CLMN: variants seen among roughly 807,000 people sequenced by gnomAD.
CLMN encodes the protein calmin.
A neutral mutation model predicts 92.7 loss-of-function variants in CLMN; 57 were observed. That is an observed-to-expected ratio of 0.61 (90% CI 0.50 to 0.77). The LOEUF is 0.77. CLMN is among the 30% of genes least tolerant of loss of function. CLMN has a pLI of 0.00. For missense variants in CLMN, 1,158 were observed against 1,237.5 expected (o/e 0.94, Z 0.96); for synonymous variants, 466 against 470.6 (o/e 0.99, Z 0.13).
At chr14:95,254,116 TGGACCTTTGTCCCCATCTATGTAACGG>T (rs1898901031) in intron 1 of CLMN, among the ~76,000 whole-genome samples, 1 of 152,206 alleles carries the variant, frequency 6.6e-6, no homozygotes, top group Non-Finnish European at 1.5e-5. Context: ...GTCTCAGGTC[TGGACCTTTGTCCCCATCTATGTAACGG>T]GGGTGATGAT....
intron 1 of CLMN, among the ~76,000 whole-genome samples, chr14:95,230,680 G>A (rs966267707): frequency 2.0e-5 from 3 of 152,302 alleles, no homozygotes; most frequent in South Asian, 2.1e-4. Context: ...ACCCCCACCC[G>A]CATGTCTGAT....
In CLMN at chr14:95,191,584, GT is replaced by G. The variant is rs769574235; in HGVS notation, c.2988del (p.Gln996HisfsTer20). The G allele has an allele frequency of 6.2e-7, 1 of 1,613,150 alleles. No homozygotes were observed. The highest frequency in any genetic ancestry group is 1.1e-5 in the South Asian group (1 of 91,028). On this transcript the variant is annotated frameshift_variant, in exon 13 of 13. Transcript: ENST00000298912. LOFTEE classifies it high-confidence loss of function. This position sits in a 1 kb window ranked among gnomAD's most constrained non-coding sequence, Gnocchi z 5.3. ...ACGTATCAGAGCCTGCTAACATCCAGTTGTGGGAAGAGCAGCAAGCAGTACA... is the reference window on the plus strand; with the variant it reads ...ACGTATCAGAGCCTGCTAACATCCAGTGTGGGAAGAGCAGCAAGCAGTACA... ...LLVYCLLLFP[Q>X]LDVSRL
At chr14:95,275,218 C>G (rs929758614) in intron 1 of CLMN, among the ~76,000 whole-genome samples, 1 of 152,066 alleles carries the variant, frequency 6.6e-6, no homozygotes, top group Non-Finnish European at 1.5e-5. Context: ...TAGGCTGAGA[C>G]CTACAGGGCT....
chr14:95,243,788 G>T (rs938551086), intron 1 of CLMN, among the ~76,000 whole-genome samples: 1 of 147,292 alleles, frequency 6.8e-6, no homozygotes, highest in Non-Finnish European at 1.5e-5. Flanking sequence ...CGACAATCCA[G>T]TTTTCTGACT....
chr14:95,209,586 C>T, intron 7 of CLMN, 109 bp from the exon 8 acceptor site: 1 of 895,994 alleles, frequency 1.1e-6, no homozygotes, highest in East Asian at 2.5e-5. Context: ...AAGGTTTTTT[C>T]TCTTTATTTT....
At chr14:95,288,223 A>C (rs555239120) in intron 1 of CLMN, among the ~76,000 whole-genome samples, 1 of 152,330 alleles carries the variant, frequency 6.6e-6, no homozygotes, top group South Asian at 2.1e-4. Flanking sequence ...CTCTTAGAGG[A>C]CTTACGTGAA....
At chr14:95,279,696 T>C (rs1226285263) in intron 1 of CLMN, among the ~76,000 whole-genome samples, 1 of 152,194 alleles carries the variant, frequency 6.6e-6, no homozygotes, top group Non-Finnish European at 1.5e-5. Flanking sequence ...GGCAGGAGAA[T>C]GGCGTGAACC....
At chr14:95,239,763 A>G (rs189939856) in intron 1 of CLMN, among the ~76,000 whole-genome samples, 4 of 152,342 alleles carry the variant, frequency 2.6e-5, no homozygotes, top group African/African-American at 7.2e-5. Context: ...AACTAAGTGC[A>G]TTTGAACCCA....
chr14:95,274,590 C>T (rs779108291), intron 1 of CLMN, among the ~76,000 whole-genome samples: 10 of 152,300 alleles, frequency 6.6e-5, no homozygotes, highest in South Asian at 4.2e-4. Flanking sequence ...ACACCCAGCA[C>T]GCTGCCTCGT....
intron 2 of CLMN, among the ~76,000 whole-genome samples, chr14:95,226,752 C>A (rs1897723999): frequency 6.6e-6 from 1 of 152,066 alleles, no homozygotes; most frequent in East Asian, 1.9e-4. Flanking sequence ...ATTTTTTAAA[C>A]TTTTTGTAGA....
chr14:95,268,045 T>C (rs754504073), intron 1 of CLMN, among the ~76,000 whole-genome samples: 2 of 151,996 alleles, frequency 1.3e-5, no homozygotes, highest in Non-Finnish European at 2.9e-5. Context: ...TGAAGAGAAG[T>C]TGATTAATGG....
At chr14:95,249,946 TG>T (rs1898718914) in intron 1 of CLMN, among the ~76,000 whole-genome samples, 1 of 152,206 alleles carries the variant, frequency 6.6e-6, no homozygotes, top group Non-Finnish European at 1.5e-5. Flanking sequence ...GCCAAGGAGC[TG>T]GGAGTGGAAC....
chr14:95,231,339 G>T (rs1358033310), intron 1 of CLMN, among the ~76,000 whole-genome samples: 1 of 152,000 alleles, frequency 6.6e-6, no homozygotes, highest in Non-Finnish European at 1.5e-5. Context: ...TGGGACTACA[G>T]GCGCGCACCA....
At chr14:95,222,714 T>C (rs375629312) in intron 3 of CLMN, 1 of 417,014 alleles carries the variant, frequency 2.4e-6, no homozygotes, top group Non-Finnish European at 4.8e-6. Flanking sequence ...AGAAACCAAA[T>C]ACTGTTGAGA....
intron 7 of CLMN, among the ~76,000 whole-genome samples, chr14:95,209,787 G>A (rs544431947): frequency 1.3e-5 from 2 of 152,306 alleles, no homozygotes; most frequent in South Asian, 2.1e-4. Flanking sequence ...GGGCAAGGAC[G>A]GTGAACCAGG....
At chr14:95,207,747 G>A (rs1218344789) in intron 8 of CLMN, among the ~76,000 whole-genome samples, 2 of 152,202 alleles carry the variant, frequency 1.3e-5, no homozygotes, top group African/African-American at 4.8e-5. Context: ...CTTCCACAGC[G>A]CCCTGTAAGG....
intron 3 of CLMN, 134 bp from the exon 4 acceptor site, chr14:95,221,908 C>T: frequency 1.3e-6 from 1 of 770,610 alleles, no homozygotes; most frequent in South Asian, 1.9e-5. Flanking sequence ...ACAGCTAAAA[C>T]CCACCTGGAA....
chr14:95,264,699 C>A (rs1899400700), intron 1 of CLMN, among the ~76,000 whole-genome samples: 1 of 152,138 alleles, frequency 6.6e-6, no homozygotes, highest in Non-Finnish European at 1.5e-5. Context: ...CGTGACCAGG[C>A]AATGGCACCC....
chr14:95,222,622 C>G (rs945456), intron 3 of CLMN: 184,856 of 455,628 alleles, frequency 0.41, 39,023 homozygotes, highest in Middle Eastern at 0.47. Flanking sequence ...TGGGGAGCCT[C>G]TGTGCTGGGA....
Sources: gnomAD v4.1 joint callset for allele counts (sites outside exome capture counted in the v4.1 genomes callset) on GRCh38, gnomAD v4.1.1 for gene constraint, Gnocchi (gnomAD v3.1) non-coding constraint, MANE v1.5 for transcripts, NCBI Gene and HGNC (gene_info 2026-07-23, HGNC 2026-07-21) for gene names.